ENPP1: variants seen among roughly 807,000 people sequenced by gnomAD.
ENPP1 encodes ectonucleotide pyrophosphatase/phosphodiesterase 1.
ENPP1 carries 73 observed loss-of-function variants against 122.8 expected under a neutral mutation model. The observed-to-expected ratio is 0.59, with a 90% CI of 0.49 to 0.72. ENPP1 has a LOEUF of 0.72. ENPP1 is among the 30% of genes least tolerant of loss of function. The probability of loss-of-function intolerance (pLI) is 0.00; values close to 1 mark genes in which losing one functional copy is unlikely to be tolerated. For synonymous variants in ENPP1, 367 were observed against 391.6 expected (o/e 0.94, Z 0.74); for missense variants, 978 against 1,128.1 (o/e 0.87, Z 1.91).
rs569299296 is a variant in ENPP1, at chr6:131,865,588, G to C, written c.1164+650G>C. On this transcript the variant is annotated intron_variant, in intron 11 of 24. Coordinates refer to ENST00000647893, the MANE Select transcript of ENPP1 (RefSeq NM_006208.3). ...GTAGCACTTTAAAACAGCAAACACT[G>C]CTTTCAGTTTTCACGTGGCCATATC... Among the ~76,000 whole-genome samples the C allele has an allele frequency of 3.0e-4, 46 of 152,258 alleles. 1 individual carries two copies. The highest frequency in any genetic ancestry group is 8.3e-4 in the South Asian group (4 of 4,828).
intron 20 of ENPP1, among the ~76,000 whole-genome samples, chr6:131,880,828 A>T (rs1782295706): frequency 6.6e-6 from 1 of 152,100 alleles, no homozygotes; most frequent in Admixed American, 6.5e-5. Flanking sequence ...ACGAGCCCAA[A>T]CCAGGGAGAG....
rs746910104 is a variant in ENPP1 at position 131,858,660 on chromosome 6, C to G, written c.716-8C>G. The G allele has an allele frequency of 6.4e-7, 1 of 1,573,084 alleles. No individual in the cohort carries two copies. Among genetic ancestry groups the G allele is most frequent in the African/African-American group, 1.4e-5 (1 of 73,948 alleles). ...TTTAATAACAATGTTTATTTTTTTC[C>G]CTTCTAGAAAAATGTGGAACATATA... is the stretch of plus-strand genomic sequence containing the variant. On this transcript the variant is annotated splice_polypyrimidine_tract_variant and splice_region_variant and intron_variant, in intron 6 of 24. Coordinates refer to ENST00000647893, the MANE Select transcript of ENPP1 (RefSeq NM_006208.3).
intron 1 of ENPP1, among the ~76,000 whole-genome samples, chr6:131,811,612 G>T (rs1334743324): frequency 6.6e-6 from 1 of 152,158 alleles, no homozygotes; most frequent in Admixed American, 6.5e-5. Context: ...ACGAGCTATT[G>T]GTTGGCTATA....
chr6:131,846,409 CCTTT>C (rs1164660611), intron 1 of ENPP1, among the ~76,000 whole-genome samples: 4 of 152,284 alleles, frequency 2.6e-5, no homozygotes, highest in Admixed American at 2.0e-4. Context: ...TTTATGCTGC[CCTTT>C]CTCCTAGAAG....
In ENPP1 at chr6:131,886,801, C is replaced by T; in HGVS notation, c.2607+77C>T. On this transcript the variant is annotated intron_variant, in intron 24 of 24. Transcript: ENST00000647893. ...ATATTTGTTTATGTCACCCATCTGA[C>T]ATTACAGTGAGAGAAAGCACAACTG... is the stretch of plus-strand genomic sequence containing the variant. The T allele has an allele frequency of 3.2e-6, 4 of 1,265,846 alleles. No individual in the cohort carries two copies. In the South Asian group the frequency reaches 3.9e-5, roughly 12 times the overall value. 78.4% of individuals were successfully genotyped at this position (1,265,846 alleles called of 1,614,324 possible).
chr6:131,858,085 T>G (rs1030043567), intron 6 of ENPP1, among the ~76,000 whole-genome samples: 4 of 152,188 alleles, frequency 2.6e-5, no homozygotes, highest in African/African-American at 9.7e-5. Context: ...ATTAGTTATG[T>G]GTTCCCTCCT....
intron 1 of ENPP1, among the ~76,000 whole-genome samples, chr6:131,841,281 C>G (rs186955428): frequency 2.0e-5 from 3 of 152,206 alleles, no homozygotes; most frequent in Non-Finnish European, 2.9e-5. Context: ...CTCCAGCAAA[C>G]GAAATCCCGT....
chr6:131,812,259 A>T (rs2114648572), intron 1 of ENPP1, among the ~76,000 whole-genome samples: 1 of 152,342 alleles, frequency 6.6e-6, no homozygotes, highest in South Asian at 2.1e-4. Flanking sequence ...CAAATATGAA[A>T]AGTGTTCCTA....
In ENPP1 at chr6:131,868,038, G is replaced by C. The variant is rs1231638043; in HGVS notation, c.1185G>C (p.Arg395Ser). The change falls in exon 12 of 25, where the codon AGG (arginine) becomes AGC (serine). Residue 395 changes from arginine to serine, a missense_variant. Physicochemically the swap from Arg to Ser is moderately radical, Grantham distance 110. Coordinates refer to ENST00000647893, the MANE Select transcript of ENPP1 (RefSeq NM_006208.3). Reference protein sequence around the residue: ...VSSEVIKALQRVDGMVGMLMD... With the variant: ...VSSEVIKALQSVDGMVGMLMD... Reference sequence around the variant, plus strand: ...CTTAGGTCATCAAAGCCTTGCAGAGGGTTGATGGTATGGTTGGTATGCTGA... The same window carrying C: ...CTTAGGTCATCAAAGCCTTGCAGAGCGTTGATGGTATGGTTGGTATGCTGA... 6.2e-7 allele frequency: 1 copy of C among 1,612,998 alleles called. No individual in the cohort carries two copies.
intron 2 of ENPP1, among the ~76,000 whole-genome samples, chr6:131,849,341 A>G (rs1437970675): frequency 6.6e-6 from 1 of 152,156 alleles, no homozygotes; most frequent in Non-Finnish European, 1.5e-5. Flanking sequence ...GGGGAAGGAC[A>G]AGGTTTTATA....
intron 7 of ENPP1, among the ~76,000 whole-genome samples, chr6:131,859,720 A>G (rs1401731006): frequency 1.3e-5 from 2 of 152,160 alleles, no homozygotes; most frequent in Admixed American, 6.5e-5. Context: ...ACAGCCCTCC[A>G]TATTTATTAG....
intron 1 of ENPP1, among the ~76,000 whole-genome samples, chr6:131,840,001 C>T (rs962660770): frequency 6.6e-6 from 1 of 152,134 alleles, no homozygotes; most frequent in East Asian, 1.9e-4. Context: ...TACATACTTT[C>T]TTAACCTTAG....
chr6:131,826,144 A>G, intron 1 of ENPP1: 1 of 848,234 alleles, frequency 1.2e-6, no homozygotes, highest in Non-Finnish European at 2.1e-6. Flanking sequence ...CAGATGAGTA[A>G]GGTTTGACAG....
At position 131,877,132 on chromosome 6, in the gene ENPP1, G is replaced by C; in HGVS notation, c.1864G>C (p.Asp622His). The change falls in exon 18 of 25, where the codon GAT becomes CAT. Residue 622 changes from aspartate (D) to histidine (H), a missense_variant. By Grantham distance (81) the Asp-to-His change is moderately conservative. Coordinates refer to ENST00000647893, the MANE Select transcript of ENPP1 (RefSeq NM_006208.3). ...GTGCCCCTTCACAAGAAACCCCAGA[G>C]ATAACCTTGGCTGCTCATGTAACCC... Reference protein sequence around the residue: ...VQCPFTRNPRDNLGCSCNPSI... With the variant: ...VQCPFTRNPRHNLGCSCNPSI... 1 of 1,613,940 alleles carries C rather than the reference G, an allele frequency of 6.2e-7. No homozygotes were observed. Among genetic ancestry groups the C allele is most frequent in the Non-Finnish European group, 8.5e-7 (1 of 1,179,956 alleles).
At chr6:131,851,686 G>A (rs1585816136) in intron 4 of ENPP1, among the ~76,000 whole-genome samples, 1 of 152,172 alleles carries the variant, frequency 6.6e-6, no homozygotes, top group Non-Finnish European at 1.5e-5. Flanking sequence ...CATTGAGAGA[G>A]TCGATGTGAA....
chr6:131,855,109 C>A, intron 6 of ENPP1, 86 bp downstream of exon 6: 1 of 967,584 alleles, frequency 1.0e-6, no homozygotes, highest in Non-Finnish European at 1.7e-6. Flanking sequence ...AAAGTACTGG[C>A]AGAACCTAAC....
rs1454880142 is a variant in ENPP1, at chr6:131,858,517, C to G, written c.716-151C>G. On this transcript the variant is annotated intron_variant, in intron 6 of 24. Transcript: ENST00000647893. ...GATTGGATTTGTATCCACAGTGTTG[C>G]TTTATAATTCATCCTGAATTTTTAT... 3 of 619,938 alleles carry G rather than the reference C, an allele frequency of 4.8e-6. No individual in the cohort carries two copies. In the African/African-American group the frequency reaches 5.5e-5, roughly 11 times the overall value. The allele number at this position is 619,938 out of a possible 1,614,324, so 38.4% of individuals were successfully genotyped here.
At chr6:131,811,451 G>A (rs1414714867) in intron 1 of ENPP1, among the ~76,000 whole-genome samples, 2 of 128,612 alleles carry the variant, frequency 1.6e-5, no homozygotes, top group Admixed American at 7.9e-5. Flanking sequence ...TAGAGAGTCC[G>A]TTTGGCTCAA....
chr6:131,873,996 T>C (rs1782197129), intron 15 of ENPP1, among the ~76,000 whole-genome samples: 1 of 152,132 alleles, frequency 6.6e-6, no homozygotes, highest in Admixed American at 6.6e-5. Context: ...AACTCACAAG[T>C]AGTTAATCAC....
Sources: gnomAD v4.1 joint callset for allele counts (sites outside exome capture counted in the v4.1 genomes callset) on GRCh38, gnomAD v4.1.1 for gene constraint, MANE v1.5 for transcripts, NCBI Gene and HGNC (gene_info 2026-07-23, HGNC 2026-07-21) for gene names.